The following RFWD3 variants were observed in gnomAD, a reference collection of about 807,000 sequenced individuals.
The protein encoded by RFWD3 is ring finger and WD repeat domain 3.
Under a neutral mutation model 87.7 loss-of-function variants are expected in RFWD3, and 65 were observed. That is an observed-to-expected ratio of 0.74 (90% confidence interval 0.61 to 0.91). RFWD3 has a LOEUF of 0.91. RFWD3 is among the 40% of genes least tolerant of loss of function. The pLI, the probability that RFWD3 is intolerant of heterozygous loss-of-function variation, is 0.00. For missense variants in RFWD3, 1,078 were observed against 938.5 expected, an observed-to-expected ratio of 1.15 and a Z score of -1.94; for synonymous variants, 433 against 352.8, an observed-to-expected ratio of 1.23 and a Z score of -2.55.
intron 1 of RFWD3, among the ~76,000 whole-genome samples, chr16:74,663,995 C>T (rs556408927): frequency 1.3e-5 from 2 of 152,332 alleles, no homozygotes; most frequent in East Asian, 1.9e-4. Flanking sequence ...CCCTTCTCCC[C>T]CTATGCACGA....
At chr16:74,662,359 T>G (rs1187552835) in intron 1 of RFWD3, among the ~76,000 whole-genome samples, 1 of 152,122 alleles carries the variant, frequency 6.6e-6, no homozygotes, top group African/African-American at 2.4e-5. Context: ...TATGAGGAAA[T>G]GGGGGTTCAA....
At chr16:74,636,307 T>C in intron 8 of RFWD3, 39 bp downstream of exon 8, 1 of 1,554,454 alleles carries the variant, frequency 6.4e-7, no homozygotes, top group Non-Finnish European at 8.9e-7. Flanking sequence ...ATATGGAGTC[T>C]AATAAAGAAC....
At chr16:74,631,827 G>C (rs1018531532) in intron 9 of RFWD3, among the ~76,000 whole-genome samples, 2 of 151,998 alleles carry the variant, frequency 1.3e-5, no homozygotes, top group Admixed American at 6.5e-5. Context: ...CACCATGTTG[G>C]CCAGGCTGGT....
At chr16:74,633,853 G>A (rs1026268350) in intron 8 of RFWD3, among the ~76,000 whole-genome samples, 1 of 152,056 alleles carries the variant, frequency 6.6e-6, no homozygotes, top group African/African-American at 2.4e-5. Flanking sequence ...AAGAGGCTGA[G>A]GTGGAAGGAT....
chr16:74,640,878 G>T (rs1442352280), intron 6 of RFWD3, among the ~76,000 whole-genome samples: 1 of 152,120 alleles, frequency 6.6e-6, no homozygotes, highest in Non-Finnish European at 1.5e-5. Flanking sequence ...GGTGGAGGTT[G>T]TAGTGAGCTG....
Position 74,630,934 on chromosome 16 carries a change from T to C in RFWD3, c.1601A>G (p.Gln534Arg). The C allele has an allele frequency of 6.2e-7, 1 of 1,611,326 alleles. No individual in the cohort carries two copies. Among genetic ancestry groups the C allele is most frequent in the Non-Finnish European group, 8.5e-7 (1 of 1,179,332 alleles). Residue 534 changes from glutamine (Q) to arginine (R), a missense_variant, in exon 10 of 13, where the codon CAG (glutamine) becomes CGG (arginine). Physicochemically the swap from Gln to Arg is conservative, Grantham distance 43. Coordinates refer to ENST00000361070, the MANE Select transcript of RFWD3 (RefSeq NM_018124.4). ...GACAGGACGTCCAGCATTATAAGTC[T>C]GGACCACGGTATTTGTCTCCAGGCT... ...LTSLETNTVV[Q>R]TYNAGRPVWS...
chr16:74,629,334 A>G (rs1959022188), intron 10 of RFWD3, among the ~76,000 whole-genome samples: 1 of 152,246 alleles, frequency 6.6e-6, no homozygotes, highest in Non-Finnish European at 1.5e-5. Context: ...TGAACATTAC[A>G]TACAAATATT....
intron 2 of RFWD3, 116 bp from the exon 3 acceptor site, chr16:74,652,238 C>T (rs956136974): frequency 4.4e-6 from 4 of 912,646 alleles, no homozygotes; most frequent in Admixed American, 2.5e-5. Flanking sequence ...CCATTAAATG[C>T]TGCCTTTGAA....
chr16:74,644,208 A>G, intron 6 of RFWD3, 154 bp downstream of exon 6: 4 of 725,622 alleles, frequency 5.5e-6, no homozygotes, highest in South Asian at 3.2e-5. Flanking sequence ...TGAATTATAA[A>G]TAACAGTGTA....
rs753361381 is a variant in RFWD3, at chr16:74,644,649, C to G, written c.879G>C (p.Gln293His). The change falls in exon 5 of 13, where the codon CAG becomes CAC. Residue 293 changes from glutamine to histidine, a missense_variant. Physicochemically the swap from Gln to His is conservative, Grantham distance 24 (BLOSUM62 0). Transcript: ENST00000361070. Reference protein sequence around the residue: ...EGDTCTICLEQWTNAGDHRLS... With the variant: ...EGDTCTICLEHWTNAGDHRLS... Reference sequence around the variant, plus strand: ...GCCGGTGGTCCCCAGCATTGGTCCACTGTTCCAGACATATTGTACAAGTGT... The same window carrying G: ...GCCGGTGGTCCCCAGCATTGGTCCAGTGTTCCAGACATATTGTACAAGTGT... 53 of 1,614,042 alleles carry G rather than the reference C, an allele frequency of 3.3e-5. No individual in the cohort carries two copies. Among genetic ancestry groups the G allele is most frequent in the African/African-American group, 5.3e-5 (4 of 74,904 alleles).
intron 6 of RFWD3, 150 bp downstream of exon 6, chr16:74,644,212 C>A: frequency 1.4e-6 from 1 of 729,458 alleles, no homozygotes; most frequent in Non-Finnish European, 2.4e-6. Context: ...TTATAAATAA[C>A]AGTGTAAGAC....
intron 10 of RFWD3, among the ~76,000 whole-genome samples, chr16:74,629,526 G>A (rs1484882302): frequency 1.3e-5 from 2 of 151,998 alleles, no homozygotes; most frequent in Admixed American, 6.6e-5. Flanking sequence ...AGGTGTGGTG[G>A]CACACGCGTA....
Position 74,636,337 on chromosome 16 carries a change from A to C in RFWD3, c.1426+9T>G. The C allele has an allele frequency of 6.2e-7, 1 of 1,608,522 alleles. No individual in the cohort carries two copies. Among genetic ancestry groups the C allele is most frequent in the South Asian group, 1.1e-5 (1 of 90,960 alleles). ...AAGAACATGAAAGCTGAGGTTCTAG[A>C]CTCTTTACCTGGAAGAAAAGAGGCC... On this transcript the variant is annotated intron_variant, in intron 8 of 12. Transcript: ENST00000361070.
chr16:74,632,082 C>A (rs560113274), intron 9 of RFWD3, among the ~76,000 whole-genome samples: 1 of 152,172 alleles, frequency 6.6e-6, no homozygotes, highest in South Asian at 2.1e-4. Context: ...GACACAGTCT[C>A]AGACCAAAAA....
Position 74,661,074 on chromosome 16 carries a change from C to G in RFWD3, c.376G>C (p.Gly126Arg). ...SLHSMTNFIS[G>R]LQRLHGMLEF... is the part of the protein sequence containing the mutation. Reference sequence around the variant, plus strand: ...AGCATGCCATGAAGTCTCTGCAGTCCGCTGATGAAGTTGGTCATTGAATGC... The same window carrying G: ...AGCATGCCATGAAGTCTCTGCAGTCGGCTGATGAAGTTGGTCATTGAATGC... The change falls in exon 2 of 13, where the codon GGA (glycine) becomes CGA (arginine). Residue 126 changes from glycine to arginine, a missense_variant. Transcript: ENST00000361070. 1 of 1,614,152 alleles carries G rather than the reference C, an allele frequency of 6.2e-7. No individual in the cohort carries two copies. Among genetic ancestry groups the G allele is most frequent in the Non-Finnish European group, 8.5e-7 (1 of 1,180,026 alleles).
chr16:74,655,417 T>C (rs1368239384), intron 2 of RFWD3, among the ~76,000 whole-genome samples: 2 of 151,928 alleles, frequency 1.3e-5, no homozygotes, highest in Non-Finnish European at 2.9e-5. Flanking sequence ...TTTTTTTTTT[T>C]TTTGTATTTT....
chr16:74,666,734 T>C (rs1007196507), intron 1 of RFWD3, 52 bp downstream of exon 1: 1 of 136,960 alleles, frequency 7.3e-6, no homozygotes, highest in Non-Finnish European at 1.6e-5. Context: ...TGGGGAGGTT[T>C]ATCCCGAAGC....
At chr16:74,629,249 T>C (rs1959020360) in intron 10 of RFWD3, among the ~76,000 whole-genome samples, 1 of 151,490 alleles carries the variant, frequency 6.6e-6, no homozygotes, top group African/African-American at 2.4e-5. Flanking sequence ...CGTGCCAAAG[T>C]TGCCAAAGTG....
chr16:74,642,163 C>A (rs1046818817), intron 6 of RFWD3, among the ~76,000 whole-genome samples: 2 of 152,018 alleles, frequency 1.3e-5, no homozygotes, highest in Non-Finnish European at 2.9e-5. Context: ...TGCTCTGTTG[C>A]CCAGGCTGGA....
Sources: gnomAD v4.1 joint callset for allele counts (sites outside exome capture counted in the v4.1 genomes callset) on GRCh38, gnomAD v4.1.1 for gene constraint, MANE v1.5 for transcripts, NCBI Gene and HGNC (gene_info 2026-07-23, HGNC 2026-07-21) for gene names.